Variants in STK17A observed in about 807,000 individuals in gnomAD.
STK17A encodes serine/threonine kinase 17a, also known as serine/threonine-protein kinase 17A.
Under a neutral mutation model 43.7 loss-of-function variants are expected in STK17A, and 26 were observed. The ratio of observed to expected loss-of-function variants is 0.60; its 90% CI spans 0.44 to 0.83. STK17A has a LOEUF of 0.83. Ranked by LOEUF, STK17A falls within the 40% of genes least tolerant of loss-of-function variation. STK17A has a pLI of 0.00. For synonymous variants in STK17A, 191 were observed against 182.5 expected, an observed-to-expected ratio of 1.05 and a Z score of -0.38; for missense variants, 476 against 511.6, an observed-to-expected ratio of 0.93 and a Z score of 0.67.
At chr7:43,584,367 C>T (rs2082424697) in intron 1 of STK17A, among the ~76,000 whole-genome samples, 1 of 152,352 alleles carries the variant, frequency 6.6e-6, no homozygotes, top group East Asian at 1.9e-4. Context: ...ACTCTCCAGC[C>T]TCACTTTCCT....
At chr7:43,594,017 T>C (rs1240721593) in intron 1 of STK17A, among the ~76,000 whole-genome samples, 1 of 152,202 alleles carries the variant, frequency 6.6e-6, no homozygotes, top group Non-Finnish European at 1.5e-5. Flanking sequence ...ATAATAATGA[T>C]GTAATGCTTT....
intron 1 of STK17A, among the ~76,000 whole-genome samples, chr7:43,590,034 T>A (rs2082469437): frequency 6.7e-6 from 1 of 150,322 alleles, no homozygotes; most frequent in African/African-American, 2.4e-5. Flanking sequence ...GCAGCCTAGA[T>A]GTCCCAGGCT....
At position 43,619,602 on chromosome 7, in the gene STK17A, G is replaced by A. The variant is rs754017998; in HGVS notation, c.570G>A (p.Gln190=). The change falls in exon 4 of 7, where the codon CAG becomes CAA. Residue 190 remains glutamine, a synonymous_variant. Transcript: ENST00000319357. Reference sequence around the variant, plus strand: ...GGGGGTGTATTTTCTTTTAGCCTCAGAATATTCTGTTGACAAGTGAATCTC... The same window carrying A: ...GGGGGTGTATTTTCTTTTAGCCTCAAAATATTCTGTTGACAAGTGAATCTC... ...RDVVHLDLKP[Q]NILLTSESPL... is the part of the protein sequence containing the mutation. The A allele has an allele frequency of 1.9e-6, 3 of 1,613,192 alleles. No individual in the cohort carries two copies. The highest frequency in any genetic ancestry group is 2.5e-6 in the Non-Finnish European group (3 of 1,179,746).
rs1364702829 is a variant in STK17A at position 43,622,020 on chromosome 7, A to G, written c.692-1552A>G. Among the ~76,000 whole-genome samples the G allele has an allele frequency of 3.3e-5, 5 of 152,216 alleles. No homozygotes were observed. In the East Asian group the frequency reaches 9.6e-4, roughly 29 times the overall value. Reference sequence around the variant, plus strand: ...ATTCCTCTGTCCATAAAAAGGGGCTAGTAATAGTACCGACCTCATAGGGAA... The same window carrying G: ...ATTCCTCTGTCCATAAAAAGGGGCTGGTAATAGTACCGACCTCATAGGGAA... On this transcript the variant is annotated intron_variant, in intron 4 of 6. Transcript: ENST00000319357.
chr7:43,603,068 C>T (rs940978215), intron 2 of STK17A, among the ~76,000 whole-genome samples: 10 of 152,166 alleles, frequency 6.6e-5, no homozygotes, highest in African/African-American at 1.9e-4. Context: ...AAGTCTTCCG[C>T]TTAAACCTCT....
At chr7:43,603,587 A>G (rs2082569659) in intron 2 of STK17A, among the ~76,000 whole-genome samples, 1 of 152,232 alleles carries the variant, frequency 6.6e-6, no homozygotes, top group African/African-American at 2.4e-5. Context: ...CTGATGCCAC[A>G]GTAGAAAATT....
chr7:43,584,534 T>A (rs1406874343), intron 1 of STK17A, among the ~76,000 whole-genome samples: 3 of 152,244 alleles, frequency 2.0e-5, no homozygotes, highest in Non-Finnish European at 4.4e-5. Flanking sequence ...AGCACCATGT[T>A]GTAATGGGAA....
At chr7:43,595,287 TC>T (rs397975933) in intron 1 of STK17A, among the ~76,000 whole-genome samples, 4,283 of 131,352 alleles carry the variant, frequency 0.033, 239 homozygotes, top group African/African-American at 0.11. Flanking sequence ...TTTTTTTTTT[TC>T]CCCCCTGGAG....
chr7:43,611,365 T>C (rs954014670), intron 3 of STK17A, among the ~76,000 whole-genome samples: 6 of 152,226 alleles, frequency 3.9e-5, no homozygotes, highest in South Asian at 4.1e-4. Context: ...CTCAAAGATA[T>C]TAATTTTTTA....
rs928479893 is a variant in STK17A, at chr7:43,624,578, A to G, written c.981A>G (p.Gln327=). The change falls in exon 7 of 7, where the codon CAA becomes CAG. Residue 327 remains glutamine, a synonymous_variant. Transcript: ENST00000319357. ...CCTGGTTGACACAGAGCAGTATTCA[A>G]GAGCCTTCTTTCAGGATGGAAAAGG... The part of the protein sequence containing the change: ...KHPWLTQSSI[Q]EPSFRMEKAL... 1.9e-6 allele frequency: 3 copies of G among 1,614,042 alleles called. No homozygotes were observed. The highest frequency in any genetic ancestry group is 2.7e-5 in the African/African-American group (2 of 74,948).
At chr7:43,618,141 G>C (rs557611250) in intron 3 of STK17A, among the ~76,000 whole-genome samples, 1 of 152,190 alleles carries the variant, frequency 6.6e-6, no homozygotes, top group Admixed American at 6.5e-5. Flanking sequence ...GATGGAGACA[G>C]AAACAAACAG....
intron 2 of STK17A, among the ~76,000 whole-genome samples, chr7:43,602,839 T>G (rs1298968897): frequency 6.6e-6 from 1 of 152,212 alleles, no homozygotes; most frequent in African/African-American, 2.4e-5. Flanking sequence ...AGCTGCCTGT[T>G]GCGTATTCCT....
chr7:43,596,901 C>T (rs1351405592), intron 2 of STK17A, among the ~76,000 whole-genome samples: 4 of 151,526 alleles, frequency 2.6e-5, no homozygotes, highest in Non-Finnish European at 5.9e-5. Flanking sequence ...AATACTCATG[C>T]CTGTAATCCC....
chr7:43,604,884 T>TCC (rs1320349813), intron 2 of STK17A, among the ~76,000 whole-genome samples: 1 of 151,766 alleles, frequency 6.6e-6, no homozygotes, highest in Non-Finnish European at 1.5e-5. Context: ...TTTCCCTCCC[T>TCC]CTCTCTCTCT....
At chr7:43,608,941 G>C (rs1276026719) in intron 3 of STK17A, 1 of 152,352 alleles carries the variant, frequency 6.6e-6, no homozygotes, top group Non-Finnish European at 1.5e-5. Context: ...GAGATTAGAG[G>C]CAGGTAGATT....
chr7:43,598,197 A>G (rs7456688), intron 2 of STK17A, among the ~76,000 whole-genome samples: 89,098 of 151,838 alleles, frequency 0.59, 26,329 homozygotes, highest in Non-Finnish European at 0.63. Flanking sequence ...TCGGCCAGGC[A>G]CGGTGGCTCA....
intron 3 of STK17A, among the ~76,000 whole-genome samples, chr7:43,615,197 A>G (rs1365844380): frequency 1.3e-5 from 2 of 152,020 alleles, no homozygotes; most frequent in African/African-American, 4.8e-5. Flanking sequence ...TTTGTTTTTG[A>G]TAGGGTCGTA....
At chr7:43,603,629 G>T (rs1052934504) in intron 2 of STK17A, among the ~76,000 whole-genome samples, 19 of 152,166 alleles carry the variant, frequency 1.2e-4, no homozygotes, top group African/African-American at 3.9e-4. Context: ...ATCCCAGAAA[G>T]ATGCTGACCA....
rs777491002 is a variant in STK17A, at chr7:43,619,677, G to C, written c.645G>C (p.Lys215Asn). The part of the protein sequence containing the change: ...IVDFGLSRIL[K>N]NSEELREIMG... ...ATTTTGGCCTTTCAAGAATATTGAA[G>C]AACAGTGAAGAGCTCCGAGAAATTA... The change falls in exon 4 of 7, where the codon AAG (lysine) becomes AAC (asparagine). Residue 215 changes from lysine to asparagine, a missense_variant. Lys to Asn is a moderately conservative substitution (Grantham distance 94, BLOSUM62 0). Around this residue, in one of 3 missense-constraint regions of STK17A, gnomAD observed 320 missense variants for 326.3 expected, o/e 0.98. Transcript: ENST00000319357. 3.7e-6 allele frequency: 6 copies of C among 1,614,080 alleles called. No homozygotes were observed. Among genetic ancestry groups the C allele is most frequent in the Non-Finnish European group, 5.1e-6 (6 of 1,179,986 alleles).
Sources: allele counts gnomAD v4.1 joint callset (sites outside exome capture counted in the v4.1 genomes callset), GRCh38; gene constraint gnomAD v4.1.1; regional missense constraint gnomAD v4.1.1; transcripts MANE v1.5; gene names NCBI Gene and HGNC (gene_info 2026-07-23, HGNC 2026-07-21).